The following HEATR5A variants were observed in gnomAD, a reference collection of about 807,000 sequenced individuals.
The protein encoded by HEATR5A is HEAT repeat-containing protein 5A.
In HEATR5A, 178 loss-of-function variants were observed where a neutral mutation model predicts 218.8. That is an observed-to-expected ratio of 0.81 (90% CI 0.72 to 0.92). HEATR5A has a LOEUF of 0.92. Among genes scored for constraint, HEATR5A ranks in the 40% least tolerant of loss-of-function variants. HEATR5A has a pLI of 0.00. For synonymous variants in HEATR5A, 864 were observed against 871.6 expected (o/e 0.99, Z 0.15); for missense variants, 2,420 against 2,418.9 (o/e 1.00, Z -0.01).
intron 22 of HEATR5A, among the ~76,000 whole-genome samples, chr14:31,334,037 C>CA (rs58087742): frequency 0.14 from 12,127 of 87,896 alleles, 1,810 homozygotes; most frequent in African/African-American, 0.31. Context: ...GACCCTGTCT[C>CA]AAAAAAAAAA....
chr14:31,355,247 C>T (rs1901382512), intron 16 of HEATR5A, among the ~76,000 whole-genome samples: 1 of 152,088 alleles, frequency 6.6e-6, no homozygotes, highest in Admixed American at 6.6e-5. Flanking sequence ...AAGCCCATCT[C>T]TACTAAAAAT....
chr14:31,340,393 A>G lies in HEATR5A; in HGVS notation c.3229-2779T>C. ...AACATCTACAACCAAAAAATGACACAAAGAAACAGCACCGCAAAACTCAAA... is the reference window on the plus strand; with the variant it reads ...AACATCTACAACCAAAAAATGACACGAAGAAACAGCACCGCAAAACTCAAA... On this transcript the variant is annotated intron_variant, in intron 21 of 35. Coordinates refer to ENST00000543095, the MANE Select transcript of HEATR5A (RefSeq NM_015473.4). 4.4e-6 allele frequency: 5 copies of G among 1,145,686 alleles called. 1 individual carries two copies. The South Asian group carries it at 6.6e-5, about 15-fold the overall frequency. The allele number at this position is 1,145,686 out of a possible 1,614,324, so 71.0% of individuals were successfully genotyped here.
chr14:31,333,371 C>T (rs954608694), intron 22 of HEATR5A, among the ~76,000 whole-genome samples: 1 of 151,974 alleles, frequency 6.6e-6, no homozygotes, highest in Non-Finnish European at 1.5e-5. Flanking sequence ...GCCTCAGTCT[C>T]CTGAGTAGCT....
At position 31,302,616 on chromosome 14, in the gene HEATR5A, A is replaced by G; in HGVS notation, c.5240-97T>C. ...AGGAGTAAGACAATGTCAGATTTTC[A>G]GTTTTTAAAAGATGATTTCTAATAA... On this transcript the variant is annotated intron_variant, in intron 32 of 35. Transcript: ENST00000543095. The G allele has an allele frequency of 3.9e-6, 3 of 778,592 alleles. No individual in the cohort carries two copies. In the South Asian group the frequency reaches 5.5e-5, roughly 14 times the overall value. The allele number at this position is 778,592 out of a possible 1,614,324, so 48.2% of individuals were successfully genotyped here. A position where few individuals can be genotyped will look rare whatever the true frequency, so the allele number is the denominator to read the frequency against.
At chr14:31,345,557 G>T (rs1278712219) in intron 19 of HEATR5A, among the ~76,000 whole-genome samples, 4 of 152,096 alleles carry the variant, frequency 2.6e-5, no homozygotes, top group Admixed American at 2.0e-4. Context: ...TTAATCTATA[G>T]AAAGAATGAA....
intron 22 of HEATR5A, among the ~76,000 whole-genome samples, chr14:31,336,849 T>C (rs565836710): frequency 6.6e-6 from 1 of 152,310 alleles, no homozygotes; most frequent in South Asian, 2.1e-4. Flanking sequence ...CTGAAGAATG[T>C]GTTGTTAGGC....
In HEATR5A at chr14:31,293,344, T is replaced by C. The variant is rs1393820661; in HGVS notation, c.6102A>G (p.Gly2034=). The change falls in exon 36 of 36, where the codon GGA becomes GGG. Residue 2034 remains glycine (G), a synonymous_variant. Transcript: ENST00000543095. ...TCTTTAATTGGATGCTTGAGTTTTTTCCAGGACTCTTAGTATATTTAGATG... is the reference window on the plus strand; with the variant it reads ...TCTTTAATTGGATGCTTGAGTTTTTCCCAGGACTCTTAGTATATTTAGATG... ...IPTSKYTKSP[G]KNSSIQLKTS... is the part of the protein sequence containing the mutation. 5 of 1,601,288 alleles carry C rather than the reference T, an allele frequency of 3.1e-6. No individual in the cohort carries two copies. Among genetic ancestry groups the C allele is most frequent in the South Asian group, 2.3e-5 (2 of 87,056 alleles).
chr14:31,344,121 A>T (rs1210493583), intron 20 of HEATR5A, 56 bp from the exon 21 acceptor site: 2 of 1,060,296 alleles, frequency 1.9e-6, no homozygotes, highest in African/African-American at 3.2e-5. Flanking sequence ...ATTACTCTTT[A>T]AACATATATT....
rs929121733 is a variant in HEATR5A, at chr14:31,395,275, C to T, written c.521G>A (p.Cys174Tyr). The T allele has an allele frequency of 5.4e-5, 82 of 1,530,006 alleles. No homozygotes were observed. The highest frequency in any genetic ancestry group is 6.9e-5 in the Non-Finnish European group (79 of 1,141,492). 94.8% of individuals were successfully genotyped at this position (1,530,006 alleles called of 1,614,324 possible). The change falls in exon 5 of 36, where the codon TGT becomes TAT. Residue 174 changes from cysteine (C) to tyrosine (Y), a missense_variant. Physicochemically the swap from Cys to Tyr is radical, Grantham distance 194 (BLOSUM62 -2). Transcript: ENST00000543095. ...LNGLGAAAAP[C>Y]HRDVYKAARS... The stretch of plus-strand genomic sequence containing the variant: ...AGCAGCTTTATAAACATCCCTGTGA[C>T]AAGGTGCAGCGGCAGCTCCTAGTCC...
rs1899071927 is a variant in HEATR5A at position 31,293,140 on chromosome 14, C to T, written c.*165G>A. The T allele has an allele frequency of 1.2e-5, 6 of 518,044 alleles. No homozygotes were observed. The highest frequency in any genetic ancestry group is 1.2e-4 in the South Asian group (3 of 25,914). 32.1% of individuals were successfully genotyped at this position (518,044 alleles called of 1,614,324 possible). On this transcript the variant is annotated 3_prime_UTR_variant, in exon 36 of 36. Transcript: ENST00000543095. ...ACAAAACACAAACCCCACGCACACA[C>T]ACAAAAATGTTAAGTATGCTGTTAC...
intron 2 of HEATR5A, 91 bp from the exon 3 acceptor site, chr14:31,400,603 TA>T: frequency 2.4e-6 from 2 of 836,806 alleles, no homozygotes; most frequent in Non-Finnish European, 1.8e-6. Flanking sequence ...ATTTAAGAAC[TA>T]AAAAGGCTCT....
chr14:31,315,131 C>A (rs1305251642), intron 27 of HEATR5A, among the ~76,000 whole-genome samples: 1 of 152,098 alleles, frequency 6.6e-6, no homozygotes, highest in African/African-American at 2.4e-5. Flanking sequence ...TGAGATTGCT[C>A]CATTTGTACC....
intron 33 of HEATR5A, among the ~76,000 whole-genome samples, chr14:31,301,840 C>T (rs1899392824): frequency 9.4e-6 from 1 of 106,550 alleles, no homozygotes; most frequent in African/African-American, 3.9e-5. Flanking sequence ...TTTTTTGAGA[C>T]AGAGTCTCGC....
intron 10 of HEATR5A, among the ~76,000 whole-genome samples, chr14:31,380,888 G>C (rs531002992): frequency 1.3e-5 from 2 of 152,108 alleles, no homozygotes; most frequent in East Asian, 3.8e-4. Flanking sequence ...TTTTAGTTTT[G>C]AGCAACTATC....
intron 16 of HEATR5A, among the ~76,000 whole-genome samples, chr14:31,354,031 C>T (rs913157560): frequency 2.6e-5 from 4 of 151,942 alleles, no homozygotes; most frequent in Non-Finnish European, 1.5e-5. Flanking sequence ...GATCTCTTGG[C>T]CTCGTGATCC....
At chr14:31,402,126 A>T (rs1440719133) in intron 2 of HEATR5A, among the ~76,000 whole-genome samples, 5 of 152,142 alleles carry the variant, frequency 3.3e-5, no homozygotes, top group Non-Finnish European at 7.4e-5. Context: ...TCAGAACAAG[A>T]ATGTGTTTTG....
chr14:31,393,902 C>G, intron 6 of HEATR5A, 150 bp downstream of exon 6: 1 of 546,474 alleles, frequency 1.8e-6, no homozygotes, highest in Non-Finnish European at 3.1e-6. Context: ...CCCGCCTTGG[C>G]CTCCCAAAGT....
chr14:31,416,376 C>G (rs1371687315), intron 1 of HEATR5A, among the ~76,000 whole-genome samples: 2 of 152,116 alleles, frequency 1.3e-5, no homozygotes, highest in African/African-American at 2.4e-5. Context: ...CCCGCCTTGG[C>G]CTCCCAAAGT....
intron 16 of HEATR5A, among the ~76,000 whole-genome samples, chr14:31,355,349 G>A (rs971440179): frequency 6.6e-6 from 1 of 151,936 alleles, no homozygotes; most frequent in Admixed American, 6.6e-5. Flanking sequence ...GGAGGCGGAG[G>A]TTGCAGTGAG....
Sources: gnomAD v4.1 joint callset for allele counts (sites outside exome capture counted in the v4.1 genomes callset) on GRCh38, gnomAD v4.1.1 for gene constraint, MANE v1.5 for transcripts, NCBI Gene and HGNC (gene_info 2026-07-23, HGNC 2026-07-21) for gene names.